THSD7B: variants seen among roughly 807,000 people sequenced by gnomAD.
THSD7B encodes the protein thrombospondin type-1 domain-containing protein 7B.
Under a neutral mutation model 213.6 loss-of-function variants are expected in THSD7B, and 138 were observed. The observed-to-expected ratio is 0.65, with a 90% CI of 0.56 to 0.74. The LOEUF is 0.74. Ranked by LOEUF, THSD7B falls within the 30% of genes least tolerant of loss-of-function variation. THSD7B has a pLI of 0.00. For missense variants in THSD7B, 1,931 were observed against 1,991.5 expected (o/e 0.97, Z 0.58); for synonymous variants, 742 against 687.0 (o/e 1.08, Z -1.25).
chr2:137,646,430 C>T (rs6753609), intron 21 of THSD7B, among the ~76,000 whole-genome samples: 75,454 of 146,980 alleles, frequency 0.51, 19,837 homozygotes, highest in African/African-American at 0.58. Context: ...TCACTTGAGG[C>T]CAGAAGTTTG....
In THSD7B at chr2:137,077,647, C is replaced by T. The variant is rs755070899; in HGVS notation, c.951-17226C>T. Among the ~76,000 whole-genome samples, 111 of 151,990 alleles carry T rather than the reference C, an allele frequency of 7.3e-4. 1 individual carries two copies. Among genetic ancestry groups the T allele is most frequent in the Non-Finnish European group, 1.4e-3 (98 of 68,004 alleles). On this transcript the variant is annotated intron_variant, in intron 3 of 27. Transcript: ENST00000409968. The stretch of plus-strand genomic sequence containing the variant: ...TCTTTTGAGAAGTGTCTGTTCATAT[C>T]CTTCGCCCACTTTTTGATGGGGTTG...
intron 15 of THSD7B, among the ~76,000 whole-genome samples, chr2:137,472,330 A>C (rs559229152): frequency 6.6e-6 from 1 of 152,202 alleles, no homozygotes; most frequent in Non-Finnish European, 1.5e-5. Context: ...CTTAAAAATT[A>C]TTGAGGACCT....
chr2:137,339,640 G>T (rs1316464977), intron 12 of THSD7B, among the ~76,000 whole-genome samples: 1 of 151,562 alleles, frequency 6.6e-6, no homozygotes, highest in Non-Finnish European at 1.5e-5. Context: ...TGACGTAAGT[G>T]GTCATCATCA....
intron 12 of THSD7B, among the ~76,000 whole-genome samples, chr2:137,342,665 T>G (rs866750999): frequency 5.3e-5 from 8 of 151,272 alleles, no homozygotes; most frequent in Admixed American, 1.3e-4. Context: ...ATGGCCTTTA[T>G]TGTGTGTAGA....
chr2:137,201,891 TC>T (rs1680882258), intron 7 of THSD7B, among the ~76,000 whole-genome samples: 1 of 152,192 alleles, frequency 6.6e-6, no homozygotes, highest in East Asian at 1.9e-4. Context: ...CCTTTTCAAA[TC>T]TTTATCAGCC....
At chr2:136,821,685 C>T (rs1053940864) in intron 1 of THSD7B, among the ~76,000 whole-genome samples, 4 of 152,138 alleles carry the variant, frequency 2.6e-5, no homozygotes, top group African/African-American at 9.7e-5. Context: ...TCTCCTTCCG[C>T]GGTTAGGCTG....
chr2:137,417,111 G>T (rs1022216327), intron 14 of THSD7B, among the ~76,000 whole-genome samples: 4 of 152,108 alleles, frequency 2.6e-5, no homozygotes, highest in Admixed American at 2.6e-4. Flanking sequence ...TAATATATAA[G>T]TAGGTATAGA....
intron 15 of THSD7B, among the ~76,000 whole-genome samples, chr2:137,547,333 C>T (rs996887080): frequency 1.3e-5 from 2 of 151,964 alleles, no homozygotes; most frequent in Non-Finnish European, 2.9e-5. Context: ...TTTCAAAAGC[C>T]ATTTTGTACT....
chr2:136,867,881 T>C (rs1045181423), intron 1 of THSD7B, among the ~76,000 whole-genome samples: 18 of 152,174 alleles, frequency 1.2e-4, no homozygotes, highest in Admixed American at 8.5e-4. Context: ...TATTTGTGTG[T>C]ACACACACAC....
chr2:137,514,230 G>A (rs1391434405), intron 15 of THSD7B, among the ~76,000 whole-genome samples: 1 of 152,162 alleles, frequency 6.6e-6, no homozygotes, highest in African/African-American at 2.4e-5. Flanking sequence ...GTTGCCAAAG[G>A]AGATTAACAT....
intron 26 of THSD7B, among the ~76,000 whole-genome samples, chr2:137,666,068 A>G (rs1683440518): frequency 6.6e-6 from 1 of 152,062 alleles, no homozygotes; most frequent in Admixed American, 6.6e-5. Context: ...ATTTTTCACT[A>G]TTATCTTTTT....
intron 6 of THSD7B, among the ~76,000 whole-genome samples, chr2:137,165,015 A>G (rs1444479586): frequency 6.6e-6 from 1 of 152,070 alleles, no homozygotes; most frequent in African/African-American, 2.4e-5. Flanking sequence ...GTACCCTAGA[A>G]CCTAAAGTAT....
chr2:136,929,397 TAGTATTAA>T (rs1684593202), intron 2 of THSD7B, among the ~76,000 whole-genome samples: 2 of 152,212 alleles, frequency 1.3e-5, no homozygotes, highest in Non-Finnish European at 2.9e-5. Context: ...AATCAATCAA[TAGTATTAA>T]AGTACGTACA....
At chr2:136,972,649 G>C (rs1357280646) in intron 2 of THSD7B, among the ~76,000 whole-genome samples, 1 of 152,024 alleles carries the variant, frequency 6.6e-6, no homozygotes, top group African/African-American at 2.4e-5. Context: ...GGCGATCGTT[G>C]GTTCATTTAA....
intron 15 of THSD7B, among the ~76,000 whole-genome samples, chr2:137,554,738 A>G (rs1188183762): frequency 6.6e-6 from 1 of 152,184 alleles, no homozygotes; most frequent in East Asian, 1.9e-4. Flanking sequence ...CGTGAGCCAA[A>G]GCAGGGCAAG....
intron 17 of THSD7B, among the ~76,000 whole-genome samples, chr2:137,605,103 T>C (rs974968634): frequency 2.6e-5 from 4 of 152,224 alleles, no homozygotes; most frequent in African/African-American, 9.6e-5. Flanking sequence ...CACATTTCAA[T>C]AAGGCCTGTG....
intron 7 of THSD7B, among the ~76,000 whole-genome samples, chr2:137,171,799 T>C (rs974156179): frequency 6.6e-6 from 1 of 152,162 alleles, no homozygotes; most frequent in African/African-American, 2.4e-5. Context: ...GCAAAGCTTT[T>C]CATTCCTTTT....
At chr2:137,400,118 C>T (rs1686316779) in intron 12 of THSD7B, among the ~76,000 whole-genome samples, 1 of 151,642 alleles carries the variant, frequency 6.6e-6, no homozygotes, top group South Asian at 2.1e-4. Flanking sequence ...ATTTTTTTGT[C>T]TTAGTTTTTG....
chr2:137,648,680 A>G (rs1320805592), intron 21 of THSD7B, among the ~76,000 whole-genome samples: 2 of 152,202 alleles, frequency 1.3e-5, no homozygotes, highest in South Asian at 2.1e-4. Context: ...TTGTGCTGCA[A>G]TAAACATGGC....
Sources: gnomAD v4.1 joint callset for allele counts (sites outside exome capture counted in the v4.1 genomes callset) on GRCh38, gnomAD v4.1.1 for gene constraint, MANE v1.5 for transcripts, NCBI Gene and HGNC (gene_info 2026-07-23, HGNC 2026-07-21) for gene names.